The following GSE1 variants were observed in gnomAD, a reference collection of about 807,000 sequenced individuals.
GSE1 encodes Gse1 coiled-coil protein, also known as genetic suppressor element 1.
A neutral mutation model predicts 112.6 loss-of-function variants in GSE1; 32 were observed. That is an observed-to-expected ratio of 0.28 (90% CI 0.21 to 0.38). The LOEUF (loss-of-function observed/expected upper bound fraction) is 0.38. Among genes scored for constraint, GSE1 ranks in the 10% least tolerant of loss-of-function variants. The pLI, the probability that GSE1 is intolerant of heterozygous loss-of-function variation, is 1.00. For synonymous variants in GSE1, 1,115 were observed against 735.6 expected, an observed-to-expected ratio of 1.52 and a Z score of -8.35; for missense variants, 2,348 against 1,699.2, an observed-to-expected ratio of 1.38 and a Z score of -6.71.
At chr16:85,189,141 C>T (rs2074771367) in intron 1 of GSE1, among the ~76,000 whole-genome samples, 1 of 152,236 alleles carries the variant, frequency 6.6e-6, no homozygotes, top group African/African-American at 2.4e-5. Flanking sequence ...ACATTTCTGC[C>T]TATTTTCCTG....
At chr16:85,478,899 CTTTCTT>C (rs751195502) in intron 2 of GSE1, among the ~76,000 whole-genome samples, 124 of 76,640 alleles carry the variant, frequency 1.6e-3, no homozygotes, top group South Asian at 3.0e-3. Flanking sequence ...TTCTTTCTTT[CTTTCTT>C]TCTTTCTTTC....
chr16:85,611,782 C>T (rs561329721), upstream of GSE1, among the ~76,000 whole-genome samples: 197 of 151,896 alleles, frequency 1.3e-3, no homozygotes, highest in African/African-American at 4.6e-3. Context: ...TCTAGGCCCG[C>T]CAGCGTCATC....
chr16:85,499,171 G>C (rs2051278642), intron 2 of GSE1, among the ~76,000 whole-genome samples: 1 of 152,168 alleles, frequency 6.6e-6, no homozygotes, highest in Non-Finnish European at 1.5e-5. Flanking sequence ...ACTCCTGGGA[G>C]TGGCTTCTGA....
chr16:85,464,104 C>T (rs1357668366), intron 2 of GSE1, among the ~76,000 whole-genome samples: 2 of 152,200 alleles, frequency 1.3e-5, no homozygotes, highest in South Asian at 2.1e-4. Context: ...TGCCTGGCCC[C>T]TCCTGGCTGC....
intron 1 of GSE1, among the ~76,000 whole-genome samples, chr16:85,339,945 C>T (rs1052336848): frequency 5.3e-5 from 8 of 152,102 alleles, no homozygotes; most frequent in African/African-American, 1.9e-4. Flanking sequence ...TGGCCCAGGG[C>T]GGGGGCCAGA....
At chr16:85,575,811 T>A (rs553432028) in intron 1 of GSE1, among the ~76,000 whole-genome samples, 1 of 152,326 alleles carries the variant, frequency 6.6e-6, no homozygotes, top group African/African-American at 2.4e-5. Flanking sequence ...TAGAGATCGC[T>A]TTTCTAGGAT....
intron 2 of GSE1, among the ~76,000 whole-genome samples, chr16:85,429,543 G>A (rs2049070753): frequency 6.6e-6 from 1 of 152,178 alleles, no homozygotes; most frequent in Admixed American, 6.5e-5. Flanking sequence ...CCATGTCCCT[G>A]GGGACAAAAG....
intron 11 of GSE1, among the ~76,000 whole-genome samples, chr16:85,663,998 G>GGTGTT (rs2052638303): frequency 6.6e-6 from 1 of 152,382 alleles, no homozygotes; most frequent in Admixed American, 6.5e-5. Context: ...TGGTCTGCTG[G>GGTGTT]GTGTTGTGTC....
At chr16:85,207,202 C>T (rs1187388757) in intron 1 of GSE1, among the ~76,000 whole-genome samples, 1 of 152,198 alleles carries the variant, frequency 6.6e-6, no homozygotes, top group Middle Eastern at 3.2e-3. Context: ...CCCGTCCTCC[C>T]AAGGGCACTG....
At chr16:85,564,024 G>A (rs2045635596) in intron 1 of GSE1, among the ~76,000 whole-genome samples, 1 of 152,228 alleles carries the variant, frequency 6.6e-6, no homozygotes. Flanking sequence ...GCTTGCGCCA[G>A]TGGGTGCCGG....
intron 1 of GSE1, chr16:85,594,067 C>T (rs1032327484): frequency 6.6e-6 from 1 of 152,084 alleles, no homozygotes; most frequent in African/African-American, 2.4e-5. Flanking sequence ...ATCAGAGTGG[C>T]AAATTTGACT....
intron 2 of GSE1, among the ~76,000 whole-genome samples, chr16:85,515,358 G>A (rs1313405413): frequency 6.6e-6 from 1 of 152,244 alleles, no homozygotes; most frequent in Non-Finnish European, 1.5e-5. Flanking sequence ...CTCCTGGGCC[G>A]TGGGGCTTCC....
At chr16:85,371,450 A>T (rs2047299509) in intron 2 of GSE1, among the ~76,000 whole-genome samples, 1 of 152,116 alleles carries the variant, frequency 6.6e-6, no homozygotes. Flanking sequence ...ATGGGTGCAG[A>T]TGTGGAGCAT....
intron 1 of GSE1, among the ~76,000 whole-genome samples, chr16:85,228,765 C>A (rs2075532621): frequency 6.6e-6 from 1 of 152,204 alleles, no homozygotes; most frequent in African/African-American, 2.4e-5. Flanking sequence ...GTGACATATG[C>A]TTGAGCCCAG....
intron 1 of GSE1, among the ~76,000 whole-genome samples, chr16:85,307,878 G>C (rs904848768): frequency 2.0e-5 from 3 of 152,180 alleles, no homozygotes; most frequent in African/African-American, 7.2e-5. Context: ...CCCAGGAGCC[G>C]GGGGAAAGGT....
exon 1 of GSE1, chr16:85,170,067 C>G: frequency 2.0e-6 from 2 of 984,960 alleles, no homozygotes; most frequent in Non-Finnish European, 2.4e-6. Flanking sequence ...ACACCGACCC[C>G]CTTTCCGAGC....
chr16:85,555,568 C>T, upstream of GSE1: 3 of 946,426 alleles, frequency 3.2e-6, no homozygotes, highest in Non-Finnish European at 3.8e-6. Flanking sequence ...CTCTCCCGCT[C>T]GCCCCCTCCT....
intron 1 of GSE1, among the ~76,000 whole-genome samples, chr16:85,339,938 C>A (rs1376106205): frequency 5.9e-5 from 9 of 152,156 alleles, no homozygotes; most frequent in Admixed American, 5.9e-4. Context: ...CGGTGCTTGG[C>A]CCAGGGCGGG....
chr16:85,534,467 G>T (rs549325850), intron 2 of GSE1, among the ~76,000 whole-genome samples: 1 of 152,090 alleles, frequency 6.6e-6, no homozygotes, highest in Non-Finnish European at 1.5e-5. Context: ...ATAACATTAC[G>T]TGGAATCCTG....
Sources: gnomAD v4.1 joint callset for allele counts (sites outside exome capture counted in the v4.1 genomes callset) on GRCh38, gnomAD v4.1.1 for gene constraint, MANE v1.5 for transcripts, NCBI Gene and HGNC (gene_info 2026-07-23, HGNC 2026-07-21) for gene names.